KIF16B: variants seen among roughly 807,000 people sequenced by gnomAD.
KIF16B encodes the protein kinesin family member 16B.
In KIF16B, 98 loss-of-function variants were observed where a neutral mutation model predicts 156.3. The observed-to-expected ratio is 0.63, with a 90% CI of 0.53 to 0.74. KIF16B has a LOEUF of 0.74. KIF16B is among the 30% of genes least tolerant of loss of function. The probability of loss-of-function intolerance (pLI) is 0.00; values close to 1 mark genes in which losing one functional copy is unlikely to be tolerated. For synonymous variants in KIF16B, 564 were observed against 583.7 expected, an observed-to-expected ratio of 0.97 and a Z score of 0.49; for missense variants, 1,421 against 1,606.5, an observed-to-expected ratio of 0.88 and a Z score of 1.97.
At chr20:16,406,605 T>A in intron 15 of KIF16B, 149 bp from the exon 16 acceptor site, 1 of 711,074 alleles carries the variant, frequency 1.4e-6, no homozygotes, top group Non-Finnish European at 2.3e-6. Flanking sequence ...TCTGCTTACT[T>A]AAGACAATTT....
intron 12 of KIF16B, among the ~76,000 whole-genome samples, chr20:16,440,894 C>G (rs559038688): frequency 2.0e-5 from 3 of 151,460 alleles, no homozygotes; most frequent in African/African-American, 7.3e-5. Context: ...TGAAACAGTC[C>G]TCTCCGCTGG....
At chr20:16,410,947 A>G (rs1275552618) in intron 15 of KIF16B, among the ~76,000 whole-genome samples, 1 of 151,190 alleles carries the variant, frequency 6.6e-6, no homozygotes, top group Non-Finnish European at 1.5e-5. Context: ...GTCTTTCTAG[A>G]GCAATAATGC....
intron 11 of KIF16B, among the ~76,000 whole-genome samples, chr20:16,495,844 C>T (rs904338050): frequency 3.3e-5 from 5 of 152,106 alleles, no homozygotes; most frequent in Non-Finnish European, 1.5e-5. Flanking sequence ...GTGCACACCA[C>T]CACGCCCAGC....
chr20:16,415,836 T>C (rs2066072760), intron 15 of KIF16B, among the ~76,000 whole-genome samples: 2 of 152,150 alleles, frequency 1.3e-5, no homozygotes, highest in Non-Finnish European at 2.9e-5. Context: ...TGGTTCTGCA[T>C]AAGCTGAAAC....
intron 25 of KIF16B, among the ~76,000 whole-genome samples, chr20:16,289,502 G>A (rs2122461703): frequency 6.6e-6 from 1 of 152,290 alleles, no homozygotes; most frequent in East Asian, 1.9e-4. Flanking sequence ...ATCAGATACT[G>A]GCAGACCCTT....
At position 16,375,497 on chromosome 20, in the gene KIF16B, G is replaced by A. The variant is rs78928395; in HGVS notation, c.3198-1088C>T. Among the ~76,000 whole-genome samples, 376 of 152,188 alleles carry A rather than the reference G, an allele frequency of 2.5e-3. 1 individual carries two copies. The highest frequency in any genetic ancestry group is 8.7e-3 in the African/African-American group (363 of 41,516). On this transcript the variant is annotated intron_variant, in intron 19 of 25. Transcript: ENST00000354981. ...GGGTAAGCACTCATGGGACCCACACGAGGCTGTGCCCAGTTTAACTCAGCC... is the reference window on the plus strand; with the variant it reads ...GGGTAAGCACTCATGGGACCCACACAAGGCTGTGCCCAGTTTAACTCAGCC...
chr20:16,547,466 G>A (rs889440971), intron 1 of KIF16B, among the ~76,000 whole-genome samples: 4 of 152,162 alleles, frequency 2.6e-5, no homozygotes, highest in African/African-American at 7.2e-5. Flanking sequence ...AAAAAGAAGC[G>A]CAATCACATT....
chr20:16,356,335 C>T lies in KIF16B; in HGVS notation c.3616G>A (p.Val1206Ile). The T allele has an allele frequency of 6.2e-7, 1 of 1,614,142 alleles. No homozygotes were observed. The highest frequency in any genetic ancestry group is 8.5e-7 in the Non-Finnish European group (1 of 1,179,970). ...QGKDAHFEFE[V>I]KITVLDETWT... ...AGAGTCAAGAAGACACTCACCTTGACCTCAAACTCGAAGTGTGCATCCTTT... is the reference window on the plus strand; with the variant it reads ...AGAGTCAAGAAGACACTCACCTTGATCTCAAACTCGAAGTGTGCATCCTTT... The change falls in exon 23 of 26, where the codon GTC becomes ATC. Residue 1206 changes from valine to isoleucine, a missense_variant. Coordinates refer to ENST00000354981, the MANE Select transcript of KIF16B (RefSeq NM_024704.5).
chr20:16,320,717 A>T (rs1313378831), intron 24 of KIF16B, among the ~76,000 whole-genome samples: 3 of 152,230 alleles, frequency 2.0e-5, no homozygotes, highest in African/African-American at 7.2e-5. Context: ...TGAATGACCA[A>T]AAATATCCAA....
intron 17 of KIF16B, among the ~76,000 whole-genome samples, chr20:16,402,592 C>T (rs1408834886): frequency 1.3e-5 from 2 of 152,212 alleles, no homozygotes; most frequent in African/African-American, 2.4e-5. Context: ...CCCTGGAGGA[C>T]GAGTAGGTAG....
At chr20:16,548,464 C>T (rs1018431232) in intron 1 of KIF16B, among the ~76,000 whole-genome samples, 3 of 152,182 alleles carry the variant, frequency 2.0e-5, no homozygotes, top group South Asian at 2.1e-4. Flanking sequence ...AGGAGGTCAG[C>T]GGCAGGCAAG....
intron 13 of KIF16B, among the ~76,000 whole-genome samples, chr20:16,429,224 A>G (rs1360265663): frequency 6.6e-6 from 1 of 152,182 alleles, no homozygotes; most frequent in African/African-American, 2.4e-5. Context: ...CTGCTTTGAC[A>G]GCGTTAAATA....
chr20:16,310,402 C>T (rs2063601924), intron 25 of KIF16B, among the ~76,000 whole-genome samples: 1 of 152,158 alleles, frequency 6.6e-6, no homozygotes, highest in South Asian at 2.1e-4. Context: ...TGCTCTAAGT[C>T]AGGAAGTTGG....
intron 22 of KIF16B, chr20:16,367,355 C>T (rs1312409751): frequency 6.2e-7 from 1 of 1,612,906 alleles, no homozygotes; most frequent in South Asian, 1.1e-5. Flanking sequence ...ACTAGTTCTA[C>T]TGTTGACACA....
chr20:16,571,637 T>C (rs2071456704), intron 1 of KIF16B, among the ~76,000 whole-genome samples: 1 of 151,922 alleles, frequency 6.6e-6, no homozygotes, highest in Non-Finnish European at 1.5e-5. Context: ...AATACTTTTT[T>C]TTTTTTTTTT....
intron 25 of KIF16B, among the ~76,000 whole-genome samples, chr20:16,302,966 G>A (rs1390899739): frequency 6.6e-6 from 1 of 151,850 alleles, no homozygotes; most frequent in East Asian, 1.9e-4. Flanking sequence ...ACAGCTTTAT[G>A]TCTTACTTTC....
At chr20:16,482,063 A>C (rs1445517203) in intron 12 of KIF16B, among the ~76,000 whole-genome samples, 1 of 152,200 alleles carries the variant, frequency 6.6e-6, no homozygotes, top group African/African-American at 2.4e-5. Flanking sequence ...TGACATGTAA[A>C]GTACGAGATA....
Position 16,312,337 on chromosome 20 carries a change from C to CTAAGTGACTTCG in KIF16B, c.3781_3792dup (p.Arg1261_Leu1264dup), listed in dbSNP as rs1555841348. ...GAAAAACAGCTTAATTCTGTTACCT[C>CTAAGTGACTTCG]TAAGTGACTTCGTCTCTCAGCAATC... is the stretch of plus-strand genomic sequence containing the variant. On this transcript the variant is annotated inframe_insertion, in exon 25 of 26. Coordinates refer to ENST00000354981, the MANE Select transcript of KIF16B (RefSeq NM_024704.5). The CTAAGTGACTTCG allele has an allele frequency of 1.9e-6, 3 of 1,611,344 alleles. No individual in the cohort carries two copies. The African/African-American group carries it at 4.0e-5, about 22-fold the overall frequency.
intron 19 of KIF16B, among the ~76,000 whole-genome samples, chr20:16,378,119 T>C (rs1328703503): frequency 6.6e-6 from 1 of 152,190 alleles, no homozygotes; most frequent in Non-Finnish European, 1.5e-5. Context: ...CCCAACATGT[T>C]GCAGAAATCA....
Sources: gnomAD v4.1 joint callset for allele counts (sites outside exome capture counted in the v4.1 genomes callset) on GRCh38, gnomAD v4.1.1 for gene constraint, MANE v1.5 for transcripts, NCBI Gene and HGNC (gene_info 2026-07-23, HGNC 2026-07-21) for gene names.